NASP: variants seen among roughly 807,000 people sequenced by gnomAD.
The protein encoded by NASP is NASP histone chaperone.
NASP carries 24 observed loss-of-function variants against 89.5 expected under a neutral mutation model. That is an observed-to-expected ratio of 0.27 (90% CI 0.19 to 0.38). NASP has a LOEUF of 0.38. NASP is among the 10% of genes least tolerant of loss of function. The pLI is 1.00. For synonymous variants in NASP, 306 were observed against 324.7 expected (o/e 0.94, Z 0.62); for missense variants, 848 against 921.4 (o/e 0.92, Z 1.03).
At chr1:45,605,349 C>T (rs1443480798) in intron 4 of NASP, among the ~76,000 whole-genome samples, 2 of 152,118 alleles carry the variant, frequency 1.3e-5, no homozygotes, top group Non-Finnish European at 2.9e-5. Context: ...GTAAAAAAGA[C>T]TTTTACTATT....
At position 45,594,778 on chromosome 1, in the gene NASP, G is replaced by C. The variant is rs1035557811; in HGVS notation, c.107+3508G>C. 2.4e-4 allele frequency: 109 copies of C among 448,604 alleles called. 1 individual carries two copies. The highest frequency in any genetic ancestry group is 2.0e-3 in the African/African-American group (102 of 50,080). The allele number at this position is 448,604 out of a possible 1,614,324, so 27.8% of individuals were successfully genotyped here. On this transcript the variant is annotated intron_variant, in intron 2 of 14. Transcript: ENST00000350030. Reference sequence around the variant, plus strand: ...CCTGAAGTGCTGGGATTACAGGTGTGAGCCACTATGCTTGGCATAAGCATT... The same window carrying C: ...CCTGAAGTGCTGGGATTACAGGTGTCAGCCACTATGCTTGGCATAAGCATT...
At chr1:45,598,153 C>T (rs1480335760) in intron 2 of NASP, among the ~76,000 whole-genome samples, 1 of 149,152 alleles carries the variant, frequency 6.7e-6, no homozygotes, top group Non-Finnish European at 1.5e-5. Flanking sequence ...ACATTTGACC[C>T]AATCCATTAC....
At chr1:45,604,719 A>T (rs989364793) in intron 3 of NASP, among the ~76,000 whole-genome samples, 1 of 152,212 alleles carries the variant, frequency 6.6e-6, no homozygotes, top group African/African-American at 2.4e-5. Flanking sequence ...ATTGTAGCAC[A>T]TTTATGTCAC....
At chr1:45,612,817 G>T in intron 6 of NASP, 1 of 173,216 alleles carries the variant, frequency 5.8e-6, no homozygotes, top group Non-Finnish European at 1.2e-5. Flanking sequence ...AACACTGACT[G>T]AGGTCTCCAC....
chr1:45,590,845 G>C (rs1643530070), intron 1 of NASP, among the ~76,000 whole-genome samples: 1 of 152,158 alleles, frequency 6.6e-6, no homozygotes, highest in Non-Finnish European at 1.5e-5. Context: ...CATTTGGTCA[G>C]AATGACCTCT....
Position 45,615,183 on chromosome 1 carries a change from G to A in NASP, c.1837G>A (p.Val613Ile). 6.2e-7 allele frequency: 1 copy of A among 1,614,134 alleles called. No individual in the cohort carries two copies. Among genetic ancestry groups the A allele is most frequent in the South Asian group, 1.1e-5 (1 of 91,066 alleles). ...AVAQFSKSIE[V>I]IENRMAVLNE... ...GGCACAGTTCAGCAAATCTATTGAA[G>A]TCATTGAGAACAGAATGGGTGAGTG... Residue 613 changes from valine (V) to isoleucine (I), a missense_variant, in exon 10 of 15, where the codon GTC becomes ATC. Coordinates refer to ENST00000350030, the MANE Select transcript of NASP (RefSeq NM_002482.4).
intron 7 of NASP, among the ~76,000 whole-genome samples, chr1:45,613,677 C>T (rs1221834069): frequency 3.9e-5 from 6 of 152,110 alleles, no homozygotes; most frequent in Non-Finnish European, 5.9e-5. Context: ...TTTGTTTAGA[C>T]GGCTGTCTTG....
Position 45,586,239 on chromosome 1 carries a change from CGTGTGTGTGTGT to C in NASP, c.59+2068_59+2079del, listed in dbSNP as rs537983711. 3.6e-3 allele frequency among the ~76,000 whole-genome samples: 394 copies of C among 110,274 alleles called. 1 individual carries two copies. The highest frequency in any genetic ancestry group is 7.7e-3 in the East Asian group (23 of 2,986). 72.3% of individuals were successfully genotyped at this position (110,274 alleles called of 152,430 possible). ...CGGCCCCCTGCAGCCCCTACCGTGC[CGTGTGTGTGTGT>C]GTGTGTGTGTGTGTGTGTGTGTGTG... On this transcript the variant is annotated intron_variant, in intron 1 of 14. Transcript: ENST00000350030.
At chr1:45,592,429 C>T (rs1459800779) in intron 2 of NASP, among the ~76,000 whole-genome samples, 1 of 152,148 alleles carries the variant, frequency 6.6e-6, no homozygotes, top group South Asian at 2.1e-4. Context: ...ATTTGTTGAG[C>T]TTGAGATAAA....
chr1:45,600,535 T>G, intron 2 of NASP: 1 of 875,378 alleles, frequency 1.1e-6, no homozygotes, highest in Non-Finnish European at 1.4e-6. Flanking sequence ...ACCACCTGTA[T>G]TAATAGTTCA....
intron 1 of NASP, among the ~76,000 whole-genome samples, chr1:45,585,175 A>G (rs1644513846): frequency 6.6e-6 from 1 of 152,190 alleles, no homozygotes; most frequent in South Asian, 2.1e-4. Flanking sequence ...GAAACACTAC[A>G]CGAGTTCAAG....
At chr1:45,595,187 GTT>G (rs1300844322) in intron 2 of NASP, among the ~76,000 whole-genome samples, 11 of 131,376 alleles carry the variant, frequency 8.4e-5, no homozygotes, top group Admixed American at 3.9e-4. Context: ...GTGTGTGTGT[GTT>G]TTAGAGACAG....
chr1:45,589,528 T>A (rs948922040), intron 1 of NASP, among the ~76,000 whole-genome samples: 3 of 152,210 alleles, frequency 2.0e-5, no homozygotes, highest in Non-Finnish European at 4.4e-5. Flanking sequence ...TAAAAATTCA[T>A]AATGAACGTC....
chr1:45,616,144 CTATG>C (rs1644101803), intron 11 of NASP, among the ~76,000 whole-genome samples, 189 bp from the exon 12 acceptor site: 1 of 152,166 alleles, frequency 6.6e-6, no homozygotes, highest in African/African-American at 2.4e-5. Flanking sequence ...TATGTACACT[CTATG>C]TATAGACTAT....
At chr1:45,586,234 C>T (rs1200817822) in intron 1 of NASP, among the ~76,000 whole-genome samples, 2 of 131,716 alleles carry the variant, frequency 1.5e-5, no homozygotes, top group Non-Finnish European at 3.2e-5. Context: ...CAGCCCCTAC[C>T]GTGCCGTGTG....
chr1:45,601,365 C>A (rs975650286), intron 2 of NASP, among the ~76,000 whole-genome samples: 1 of 152,130 alleles, frequency 6.6e-6, no homozygotes. Context: ...TATGAGATAA[C>A]AGTTGAGGTT....
intron 6 of NASP, chr1:45,612,309 AGT>A (rs1644029406): frequency 6.6e-6 from 1 of 152,212 alleles, no homozygotes; most frequent in African/African-American, 2.4e-5. Flanking sequence ...GTTTGGAGAT[AGT>A]GTTTGAGCTT....
At chr1:45,595,181 GTGTGTGTT>G (rs1446579050) in intron 2 of NASP, among the ~76,000 whole-genome samples, 11 of 136,062 alleles carry the variant, frequency 8.1e-5, no homozygotes, top group African/African-American at 2.9e-4. Flanking sequence ...GTGTGTGTGT[GTGTGTGTT>G]TTAGAGACAG....
intron 1 of NASP, chr1:45,588,957 G>GTGTT (rs56181355): frequency 0.086 from 13,917 of 161,148 alleles, 746 homozygotes; most frequent in Middle Eastern, 0.12. Context: ...AGGTGGTCAA[G>GTGTT]TGTTTGTTTG....
Sources: allele counts gnomAD v4.1 joint callset (sites outside exome capture counted in the v4.1 genomes callset), GRCh38; gene constraint gnomAD v4.1.1; transcripts MANE v1.5; gene names NCBI Gene and HGNC (gene_info 2026-07-23, HGNC 2026-07-21).